ERAP1: variants seen among roughly 807,000 people sequenced by gnomAD.
ERAP1 encodes adipocyte-derived leucine aminopeptidase.
A neutral mutation model predicts 103.7 loss-of-function variants in ERAP1; 86 were observed. The ratio of observed to expected loss-of-function variants is 0.83; its 90% CI spans 0.70 to 0.99. ERAP1 has a LOEUF of 0.99. Ranked by LOEUF, ERAP1 falls within the 50% of genes least tolerant of loss-of-function variation. The pLI, the probability that ERAP1 is intolerant of heterozygous loss-of-function variation, is 0.00. For synonymous variants in ERAP1, 398 were observed against 402.4 expected (o/e 0.99, Z 0.13); for missense variants, 1,009 against 1,128.4 (o/e 0.89, Z 1.52).
intron 10 of ERAP1, among the ~76,000 whole-genome samples, chr5:96,788,949 C>A (rs1776411573): frequency 6.6e-6 from 1 of 152,136 alleles, no homozygotes; most frequent in African/African-American, 2.4e-5. Context: ...CACTTTGGGG[C>A]TGGCAATAAC....
chr5:96,775,513 C>CCAGT lies in ERAP1; in HGVS notation c.*879_*882dup. On this transcript the variant is annotated 3_prime_UTR_variant, in exon 19 of 19. Transcript: ENST00000443439. ...CTGCTTTTTCAGAAGAGATACTGTA[C>CCAGT]CAGTCAGGGAAATAGATGACACTCA... The CCAGT allele has an allele frequency of 1.1e-6, 1 of 943,090 alleles. No homozygotes were observed. The highest frequency in any genetic ancestry group is 1.2e-6 in the Non-Finnish European group (1 of 812,576). 58.4% of individuals were successfully genotyped at this position (943,090 alleles called of 1,614,324 possible).
the ERAP1 span, among the ~76,000 whole-genome samples, chr5:96,932,561 T>C: frequency 1.3e-5 from 2 of 152,200 alleles, no homozygotes; most frequent in African/African-American, 4.8e-5. Flanking sequence ...TCTGAAGCAC[T>C]GGTTTAGAAC....
intron 3 of ERAP1, among the ~76,000 whole-genome samples, chr5:96,799,564 A>G (rs1777756012): frequency 6.6e-6 from 1 of 152,130 alleles, no homozygotes; most frequent in Non-Finnish European, 1.5e-5. Flanking sequence ...CTGAAAGCCT[A>G]CAAATTTCTC....
chr5:96,769,817 A>C (rs1270928422), downstream of ERAP1: 1 of 149,914 alleles, frequency 6.7e-6, no homozygotes, highest in Non-Finnish European at 1.5e-5. Context: ...TCTACATATA[A>C]GTGAAATCAC....
chr5:96,915,682 T>G, the ERAP1 span: 1 of 1,508,666 alleles, frequency 6.6e-7, no homozygotes, highest in Non-Finnish European at 8.9e-7. Context: ...TTCTTTTTAT[T>G]TTCAGATTTG....
Position 96,762,292 on chromosome 5 carries a change from C to T in ERAP1, c.*908G>A, listed in dbSNP as rs375069165. ...ATAAAAGAAATTTGAAGATGCTAAA[C>T]TTGCTGCTGCCATCTCTGAAGTGGT... is the stretch of plus-strand genomic sequence containing the variant. On this transcript the variant is annotated 3_prime_UTR_variant, in exon 20 of 20. Coordinates refer to the ERAP1 transcript ENST00000296754. 6 of 1,606,596 alleles carry T rather than the reference C, an allele frequency of 3.7e-6. No homozygotes were observed. Among genetic ancestry groups the T allele is most frequent in the Admixed American group, 3.5e-5 (2 of 57,846 alleles).
chr5:96,769,400 T>TG (rs1282397880), intron 19 of ERAP1: 1 of 151,854 alleles, frequency 6.6e-6, no homozygotes, highest in African/African-American at 2.4e-5. Flanking sequence ...TTTTTTGTTT[T>TG]TTTTTTTTTG....
the ERAP1 span, among the ~76,000 whole-genome samples, chr5:96,916,193 C>G: frequency 4.0e-5 from 6 of 151,496 alleles, no homozygotes; most frequent in Non-Finnish European, 7.4e-5. Context: ...TGCACTCCAG[C>G]CTGGGTGACA....
At position 96,763,303 on chromosome 5, in the gene ERAP1, C is replaced by A; in HGVS notation, c.2819-75G>T. The A allele has an allele frequency of 9.0e-6, 7 of 779,208 alleles. No individual in the cohort carries two copies. The South Asian group carries it at 9.4e-5, about 10-fold the overall frequency. The allele number at this position is 779,208 out of a possible 1,614,324, so 48.3% of individuals were successfully genotyped here. A position where few individuals can be genotyped will look rare whatever the true frequency, so the allele number is the denominator to read the frequency against. On this transcript the variant is annotated intron_variant, in intron 19 of 19. Coordinates refer to the ERAP1 transcript ENST00000296754. ...CAGCTCTACCATTAGCAGCTATAAT[C>A]CTGGATTATAATAAAGCACTTAAAA...
chr5:96,772,277 C>T (rs1284967807), downstream of ERAP1: 1 of 153,612 alleles, frequency 6.5e-6, no homozygotes, highest in Admixed American at 6.5e-5. Context: ...TTTCTGAGAT[C>T]TTCAGAACTG....
At chr5:96,855,550 T>G in the ERAP1 span, among the ~76,000 whole-genome samples, 7 of 152,206 alleles carry the variant, frequency 4.6e-5, no homozygotes, top group African/African-American at 1.7e-4. Flanking sequence ...TGCATAGAAC[T>G]CTGTGATTTT....
the ERAP1 span, chr5:96,879,995 G>A: frequency 6.2e-7 from 1 of 1,614,188 alleles, no homozygotes; most frequent in Non-Finnish European, 8.5e-7. Context: ...GGTCAGCAAT[G>A]CTACCCAGTT....
the ERAP1 span, among the ~76,000 whole-genome samples, chr5:96,825,087 CTTGGTCA>C: frequency 6.6e-6 from 1 of 152,186 alleles, no homozygotes; most frequent in Non-Finnish European, 1.5e-5. Context: ...TTTCTATTTA[CTTGGTCA>C]TTGGTCAGTA....
At position 96,781,780 on chromosome 5, in the gene ERAP1, C is replaced by G. The variant is rs1375767597; in HGVS notation, c.2360G>C (p.Ser787Thr). The G allele has an allele frequency of 1.2e-6, 2 of 1,614,104 alleles. No individual in the cohort carries two copies. Among genetic ancestry groups the G allele is most frequent in the Admixed American group, 1.7e-5 (1 of 60,020 alleles). Reference protein sequence around the residue: ...QSTEGWDFLYSKYQFSLSSTE... With the variant: ...QSTEGWDFLYTKYQFSLSSTE... Reference sequence around the variant, plus strand: ...ACTGGACAAAGAAAACTGATATTTACTATAAAGAAAATCCCAGCCTTCTGT... The same window carrying G: ...ACTGGACAAAGAAAACTGATATTTAGTATAAAGAAAATCCCAGCCTTCTGT... The change falls in exon 16 of 19, where the codon AGT (serine) becomes ACT (threonine). Residue 787 changes from serine (S) to threonine (T), a missense_variant. Physicochemically the swap from Ser to Thr is moderately conservative, Grantham distance 58. Around this residue, in one of 3 missense-constraint regions of ERAP1, gnomAD observed 611 missense variants for 651.7 expected, o/e 0.94. Transcript: ENST00000443439.
chr5:96,912,147 C>T, the ERAP1 span, among the ~76,000 whole-genome samples: 2 of 145,670 alleles, frequency 1.4e-5, no homozygotes, highest in Admixed American at 7.0e-5. Flanking sequence ...GCCCAGATCG[C>T]GCCACTGCAC....
intron 8 of ERAP1, among the ~76,000 whole-genome samples, chr5:96,791,613 A>G (rs910472359): frequency 6.6e-6 from 1 of 152,228 alleles, no homozygotes; most frequent in Non-Finnish European, 1.5e-5. Flanking sequence ...TGGATTTTAC[A>G]TAAAATCTCC....
the ERAP1 span, among the ~76,000 whole-genome samples, chr5:96,848,169 C>G: frequency 6.6e-6 from 1 of 152,158 alleles, no homozygotes; most frequent in East Asian, 1.9e-4. Context: ...CTGCCTCAGC[C>G]TCCAGAGCAG....
rs147252760 is a variant in ERAP1 at position 96,784,078 on chromosome 5, A to G, written c.1946T>C (p.Ile649Thr). ...LINNAFQLVS[I>T]GKLSIEKALD... ...GGCCTTTTCAATGGACAGCTTCCCA[A>G]TGCTGACCAAGAGACACTGTGGTTA... Residue 649 changes from isoleucine (I) to threonine (T), a missense_variant and splice_region_variant, in exon 14 of 19, where the codon ATT becomes ACT. Around this residue, in one of 3 missense-constraint regions of ERAP1, gnomAD observed 611 missense variants for 651.7 expected, o/e 0.94. Transcript: ENST00000443439. 33 of 1,614,168 alleles carry G rather than the reference A, an allele frequency of 2.0e-5. No individual in the cohort carries two copies. The African/African-American group carries it at 3.7e-4, about 18-fold the overall frequency.
chr5:96,902,339 T>TA, the ERAP1 span: 15 of 1,609,452 alleles, frequency 9.3e-6, no homozygotes, highest in Middle Eastern at 1.7e-4. Flanking sequence ...AGACACATTC[T>TA]AAAATCAAAG....
Sources: allele counts gnomAD v4.1 joint callset (sites outside exome capture counted in the v4.1 genomes callset), GRCh38; gene constraint gnomAD v4.1.1; regional missense constraint gnomAD v4.1.1; transcripts MANE v1.5; gene names NCBI Gene and HGNC (gene_info 2026-07-23, HGNC 2026-07-21).